The following ICE2 variants were observed in gnomAD, a reference collection of about 807,000 sequenced individuals.
ICE2 encodes the protein little elongation complex subunit 2.
ICE2 carries 87 observed loss-of-function variants against 105.4 expected under a neutral mutation model. That is an observed-to-expected ratio of 0.83 (90% confidence interval 0.69 to 0.99). The LOEUF is 0.99. Among genes scored for constraint, ICE2 ranks in the 50% least tolerant of loss-of-function variants. ICE2 has a pLI of 0.00. For missense variants in ICE2, 1,323 were observed against 1,146.7 expected (o/e 1.15, Z -2.22); for synonymous variants, 399 against 392.0 (o/e 1.02, Z -0.21).
chr15:60,471,810 G>C (rs1182769883), intron 3 of ICE2, among the ~76,000 whole-genome samples: 1 of 151,730 alleles, frequency 6.6e-6, no homozygotes, highest in East Asian at 1.9e-4. Context: ...AAACAAACAG[G>C]GTAGAATCCA....
intron 3 of ICE2, among the ~76,000 whole-genome samples, chr15:60,472,049 T>C (rs1476440440): frequency 1.3e-5 from 2 of 151,944 alleles, no homozygotes; most frequent in Non-Finnish European, 2.9e-5. Context: ...ACAGAAACTT[T>C]AATTAAAAAA....
intron 1 of ICE2, among the ~76,000 whole-genome samples, chr15:60,478,320 G>T (rs1213443221): frequency 1.3e-5 from 2 of 152,160 alleles, no homozygotes; most frequent in Non-Finnish European, 2.9e-5. Context: ...GAAACAGAAC[G>T]GTGTTCTCAT....
rs1399090415 is a variant in ICE2, at chr15:60,448,038, G to A, written c.2227C>T (p.Leu743Phe). 6.2e-7 allele frequency: 1 copy of A among 1,613,886 alleles called. No individual in the cohort carries two copies. The highest frequency in any genetic ancestry group is 1.1e-5 in the South Asian group (1 of 91,082). Residue 743 changes from leucine (L) to phenylalanine (F), a missense_variant, in exon 11 of 16, where the codon CTC (leucine) becomes TTC (phenylalanine). Transcript: ENST00000261520. ...KLFSLQDLLL[L>F]VRCSVQRIET... Reference sequence around the variant, plus strand: ...ATCCTCTGGACACTGCAGCGTACGAGTAACAACAGGTCTTGCAGGCTAAAT... The same window carrying A: ...ATCCTCTGGACACTGCAGCGTACGAATAACAACAGGTCTTGCAGGCTAAAT...
chr15:60,465,342 C>T (rs1595810594), intron 5 of ICE2, among the ~76,000 whole-genome samples: 1 of 152,172 alleles, frequency 6.6e-6, no homozygotes, highest in Non-Finnish European at 1.5e-5. Flanking sequence ...GGACTACAGG[C>T]ACATGCCACC....
Position 60,448,071 on chromosome 15 carries a change from A to G in ICE2, c.2194T>C (p.Tyr732His), listed in dbSNP as rs1244999442. 6.2e-7 allele frequency: 1 copy of G among 1,613,690 alleles called. No individual in the cohort carries two copies. Among genetic ancestry groups the G allele is most frequent in the Admixed American group, 1.7e-5 (1 of 60,030 alleles). Residue 732 changes from tyrosine to histidine, a missense_variant, in exon 11 of 16, where the codon TAT becomes CAT. Physicochemically the swap from Tyr to His is moderately conservative, Grantham distance 83. Coordinates refer to ENST00000261520, the MANE Select transcript of ICE2 (RefSeq NM_024611.6). ...AGGTCTTGCAGGCTAAATAACTTAT[A>G]AACAAAATTTCCTTCCTGAGGAGCT... is the stretch of plus-strand genomic sequence containing the variant. ...YLAPQEGNFV[Y>H]KLFSLQDLLL... is the part of the protein sequence containing the mutation.
At chr15:60,454,819 C>A (rs2064057120) in intron 8 of ICE2, 184 bp downstream of exon 8, 6 of 476,088 alleles carry the variant, frequency 1.3e-5, no homozygotes, top group Non-Finnish European at 2.2e-5. Context: ...AAGCCCTGCA[C>A]GAATTAGGTA....
In ICE2 at chr15:60,449,538, C is replaced by G; in HGVS notation, c.1429G>C (p.Gly477Arg). 6.2e-7 allele frequency: 1 copy of G among 1,614,104 alleles called. No homozygotes were observed. Among genetic ancestry groups the G allele is most frequent in the Non-Finnish European group, 8.5e-7 (1 of 1,179,994 alleles). The change falls in exon 10 of 16, where the codon GGC (glycine) becomes CGC (arginine). Residue 477 changes from glycine to arginine, a missense_variant. Transcript: ENST00000261520. ...TCTTTATTTTTGCATTCCTCAGGGCCACCATCCATACCAGTGACCAGCTGT... is the reference window on the plus strand; with the variant it reads ...TCTTTATTTTTGCATTCCTCAGGGCGACCATCCATACCAGTGACCAGCTGT... Reference protein sequence around the residue: ...EKQLVTGMDGGPEECKNKDDQ... With the variant: ...EKQLVTGMDGRPEECKNKDDQ...
rs763522324 is a variant in ICE2, at chr15:60,455,143, T to C, written c.803A>G (p.Asn268Ser). The C allele has an allele frequency of 1.9e-6, 3 of 1,580,206 alleles. No homozygotes were observed. The Admixed American group carries it at 5.9e-5, about 31-fold the overall frequency. Residue 268 changes from asparagine (N) to serine (S), a missense_variant, in exon 8 of 16, where the codon AAT becomes AGT. Coordinates refer to ENST00000261520, the MANE Select transcript of ICE2 (RefSeq NM_024611.6). The part of the protein sequence containing the change: ...AMHYDISKDP[N>S]AEKLVSRYHP... ...ATATCTGGAAACAAGCTTCTCTGCA[T>C]TTGGATCTTTACTAATATCCTGAAA...
intron 5 of ICE2, among the ~76,000 whole-genome samples, chr15:60,458,720 G>A (rs1248659463): frequency 6.6e-6 from 1 of 151,988 alleles, no homozygotes; most frequent in Non-Finnish European, 1.5e-5. Flanking sequence ...TAAACTAAAT[G>A]TAATACACAC....
At chr15:60,470,228 A>G (rs926146865) in intron 3 of ICE2, among the ~76,000 whole-genome samples, 5 of 152,372 alleles carry the variant, frequency 3.3e-5, no homozygotes, top group African/African-American at 1.2e-4. Context: ...AGAAGAAAGA[A>G]AAGTAGATAT....
At chr15:60,453,936 ATATTAAAGTCC>A in intron 8 of ICE2, 152 bp from the exon 9 acceptor site, 2 of 602,524 alleles carry the variant, frequency 3.3e-6, no homozygotes, top group Non-Finnish European at 5.7e-6. Flanking sequence ...AGACTAGCAG[ATATTAAAGTCC>A]TTTAGAAATC....
intron 5 of ICE2, among the ~76,000 whole-genome samples, chr15:60,461,544 A>G (rs1231764198): frequency 1.3e-5 from 2 of 152,190 alleles, no homozygotes; most frequent in Non-Finnish European, 2.9e-5. Context: ...CAATAAAAAC[A>G]CAGTGCAATC....
intron 5 of ICE2, among the ~76,000 whole-genome samples, chr15:60,459,604 G>A (rs767159136): frequency 1.3e-5 from 2 of 152,062 alleles, no homozygotes; most frequent in Non-Finnish European, 2.9e-5. Context: ...CAAACCTGTA[G>A]ATAAATTAAA....
rs765155310 is a variant in ICE2 at position 60,455,357 on chromosome 15, G to A, written c.752C>T (p.Thr251Met). The change falls in exon 7 of 16, where the codon ACG (threonine) becomes ATG (methionine). Residue 251 changes from threonine to methionine, a missense_variant. Physicochemically the swap from Thr to Met is moderately conservative, Grantham distance 81 (BLOSUM62 -1). Transcript: ENST00000261520. ...LSKDDIATIE[T>M]SEQTAEAMHY... ...CATAGCTTCAGCTGTTTGTTCTGAC[G>A]TTTCAATGGTAGCTATATCGTCCTT... 14 of 1,613,414 alleles carry A rather than the reference G, an allele frequency of 8.7e-6. No homozygotes were observed. The highest frequency in any genetic ancestry group is 1.6e-4 in the Middle Eastern group (1 of 6,076).
intron 9 of ICE2, 104 bp from the exon 10 acceptor site, chr15:60,449,945 T>C (rs1490891033): frequency 1.2e-6 from 1 of 848,236 alleles, no homozygotes; most frequent in Non-Finnish European, 1.8e-6. Context: ...TCTTTTAAAG[T>C]AGAAAGAAAA....
At position 60,419,793 on chromosome 15, in the gene ICE2, C is replaced by T. The variant is rs2063224377; in HGVS notation, c.*3841G>A. ...CGTCTTAACATCTTTACAACATGCC[C>T]ATTAGGAACTACAGATGCAGTATGC... On this transcript the variant is annotated 3_prime_UTR_variant, in exon 16 of 16. Coordinates refer to ENST00000261520, the MANE Select transcript of ICE2 (RefSeq NM_024611.6). 6.6e-6 allele frequency: 1 copy of T among 152,184 alleles called. No individual in the cohort carries two copies. Among genetic ancestry groups the T allele is most frequent in the South Asian group, 2.1e-4 (1 of 4,820 alleles). 9.4% of individuals were successfully genotyped at this position (152,184 alleles called of 1,614,324 possible).
intron 2 of ICE2, among the ~76,000 whole-genome samples, chr15:60,476,442 G>A (rs1157825465): frequency 6.6e-6 from 1 of 152,172 alleles, no homozygotes; most frequent in African/African-American, 2.4e-5. Context: ...AAATGTCACA[G>A]AGACTGGAAA....
At position 60,423,403 on chromosome 15, in the gene ICE2, C is replaced by T. The variant is rs772335792; in HGVS notation, c.*231G>A. 6.3e-6 allele frequency: 2 copies of T among 317,180 alleles called. No individual in the cohort carries two copies. The highest frequency in any genetic ancestry group is 1.2e-5 in the Non-Finnish European group (2 of 173,754). 19.6% of individuals were successfully genotyped at this position (317,180 alleles called of 1,614,324 possible). On this transcript the variant is annotated 3_prime_UTR_variant, in exon 16 of 16. Transcript: ENST00000261520. ...TTTTTCTTCTTTATATATTTCCCTG[C>T]CATGATAATGTTAAAACATATCAAG...
chr15:60,428,464 G>A lies in ICE2; in HGVS notation c.2785C>T (p.Pro929Ser). Residue 929 changes from proline (P) to serine (S), a missense_variant, in exon 15 of 16, where the codon CCA (proline) becomes TCA (serine). Physicochemically the swap from Pro to Ser is moderately conservative, Grantham distance 74. Transcript: ENST00000261520. ...GTTGTGGTATCCAGTGATTTCGGTG[G>A]AAAAGTACAAGGTATTCTTCCATGA... ...IHHGRIPCTF[P>S]PKSLDTTTQQ... 1.2e-6 allele frequency: 2 copies of A among 1,614,022 alleles called. No homozygotes were observed. Among genetic ancestry groups the A allele is most frequent in the Non-Finnish European group, 1.7e-6 (2 of 1,179,938 alleles).
Sources: gnomAD v4.1 joint callset for allele counts (sites outside exome capture counted in the v4.1 genomes callset) on GRCh38, gnomAD v4.1.1 for gene constraint, MANE v1.5 for transcripts, NCBI Gene and HGNC (gene_info 2026-07-23, HGNC 2026-07-21) for gene names.